Variants in KAZN observed in about 807,000 individuals in gnomAD.
KAZN encodes the protein kazrin, periplakin interacting protein, also known as kazrin.
In KAZN, 40 loss-of-function variants were observed where a neutral mutation model predicts 87.4. The ratio of observed to expected loss-of-function variants is 0.46; its 90% CI spans 0.36 to 0.60. KAZN has a LOEUF of 0.60. KAZN is among the 20% of genes least tolerant of loss of function. KAZN has a pLI of 0.00. For synonymous variants in KAZN, 466 were observed against 458.3 expected (o/e 1.02, Z -0.22); for missense variants, 898 against 1,073.9 (o/e 0.84, Z 2.29).
At chr1:14,421,898 C>A (rs905672364) in intron 2 of KAZN, among the ~76,000 whole-genome samples, 7 of 152,148 alleles carry the variant, frequency 4.6e-5, no homozygotes, top group African/African-American at 1.7e-4. Flanking sequence ...TCTGAATAAC[C>A]AACTACACTG....
intron 13 of KAZN, among the ~76,000 whole-genome samples, chr1:15,110,549 T>TTGTGTGTGTGTGTGTG (rs71000365): frequency 0.042 from 6,253 of 147,972 alleles, 165 homozygotes; most frequent in Non-Finnish European, 0.06. Context: ...GCATATGTGT[T>TTGTGTGTGTGTGTGTG]TGTGTGTGTG....
intron 1 of KAZN, among the ~76,000 whole-genome samples, chr1:14,890,598 C>A (rs1320769930): frequency 2.0e-5 from 3 of 152,014 alleles, no homozygotes. Context: ...GAATGACGGG[C>A]GTGAATCAGA....
At chr1:15,005,659 A>T (rs1020410573) in intron 2 of KAZN, among the ~76,000 whole-genome samples, 1 of 152,088 alleles carries the variant, frequency 6.6e-6, no homozygotes, top group Non-Finnish European at 1.5e-5. Context: ...ATAGTGGCAC[A>T]CGCTTATAAT....
intron 2 of KAZN, among the ~76,000 whole-genome samples, chr1:14,489,736 A>AAATAATAATAATAATAAT (rs57610968): frequency 3.4e-4 from 49 of 144,504 alleles, no homozygotes; most frequent in East Asian, 8.0e-4. Context: ...TCTGTCTTAA[A>AAATAATAATAATAATAAT]AATAATAATA....
chr1:14,980,284 T>C (rs1047609017), intron 2 of KAZN, among the ~76,000 whole-genome samples: 7 of 152,184 alleles, frequency 4.6e-5, no homozygotes, highest in Non-Finnish European at 7.3e-5. Flanking sequence ...GGGAGAGTTT[T>C]GCAAGAGAAG....
intron 1 of KAZN, among the ~76,000 whole-genome samples, chr1:14,714,326 T>C (rs1352994202): frequency 6.6e-6 from 1 of 152,154 alleles, no homozygotes; most frequent in African/African-American, 2.4e-5. Flanking sequence ...ATCCTTGTTC[T>C]CAATTAGCTG....
intron 1 of KAZN, among the ~76,000 whole-genome samples, chr1:14,028,109 TCC>T (rs1270261134): frequency 6.6e-6 from 1 of 152,102 alleles, no homozygotes; most frequent in Non-Finnish European, 1.5e-5. Context: ...GTAGCTTCTG[TCC>T]CCCCAAACTC....
intron 2 of KAZN, among the ~76,000 whole-genome samples, chr1:14,183,796 C>T (rs909641353): frequency 3.3e-5 from 5 of 152,084 alleles, no homozygotes; most frequent in African/African-American, 1.2e-4. Context: ...GGAAGGTCCC[C>T]CTCTTGAAGG....
intron 2 of KAZN, among the ~76,000 whole-genome samples, chr1:14,279,051 C>G (rs1010133247): frequency 2.0e-5 from 3 of 149,826 alleles, no homozygotes; most frequent in African/African-American, 7.4e-5. Flanking sequence ...TTTAAGTGAC[C>G]ATCTAATCTG....
chr1:14,232,140 G>A (rs1335559202), intron 2 of KAZN, among the ~76,000 whole-genome samples: 1 of 152,144 alleles, frequency 6.6e-6, no homozygotes, highest in Admixed American at 6.6e-5. Flanking sequence ...TGAACATCTA[G>A]TCCCTTTGCC....
intron 1 of KAZN, among the ~76,000 whole-genome samples, chr1:14,896,746 A>C (rs1442116148): frequency 6.6e-6 from 1 of 152,126 alleles, no homozygotes. Flanking sequence ...CTGCTGCCCT[A>C]CCCCATGACA....
intron 2 of KAZN, among the ~76,000 whole-genome samples, chr1:14,555,791 CCAT>C (rs1673826803): frequency 6.6e-6 from 1 of 152,160 alleles, no homozygotes; most frequent in Non-Finnish European, 1.5e-5. Context: ...GATTAAGTGC[CCAT>C]CAGTGTTTGC....
chr1:14,957,473 G>A (rs958408928), intron 1 of KAZN, among the ~76,000 whole-genome samples: 16 of 152,248 alleles, frequency 1.1e-4, no homozygotes, highest in Admixed American at 2.0e-4. Context: ...TGAAGGAGAC[G>A]AGGCAGGATA....
chr1:14,539,318 A>G (rs1557785795), intron 2 of KAZN, among the ~76,000 whole-genome samples: 1 of 152,226 alleles, frequency 6.6e-6, no homozygotes, highest in Non-Finnish European at 1.5e-5. Flanking sequence ...TTCAAATGAG[A>G]ATGACTGCAA....
intron 1 of KAZN, among the ~76,000 whole-genome samples, chr1:14,941,311 T>A (rs2101639645): frequency 6.6e-6 from 1 of 152,284 alleles, no homozygotes; most frequent in Non-Finnish European, 1.5e-5. Flanking sequence ...AGTTCACATA[T>A]TCCTTTTGGG....
intron 1 of KAZN, among the ~76,000 whole-genome samples, chr1:14,053,996 A>G (rs1376108059): frequency 6.6e-6 from 1 of 152,246 alleles, no homozygotes; most frequent in Non-Finnish European, 1.5e-5. Flanking sequence ...GTGAATCATC[A>G]TAAAGGTCTT....
intron 1 of KAZN, among the ~76,000 whole-genome samples, chr1:14,710,051 A>C (rs1572280451): frequency 1.3e-5 from 2 of 152,068 alleles, no homozygotes; most frequent in Non-Finnish European, 2.9e-5. Context: ...TGTATGCCAC[A>C]CCCCAGGCTT....
At chr1:14,851,291 G>A (rs1186613716) in intron 1 of KAZN, among the ~76,000 whole-genome samples, 2 of 152,188 alleles carry the variant, frequency 1.3e-5, no homozygotes, top group Non-Finnish European at 2.9e-5. Flanking sequence ...GACGCCGGCT[G>A]ATGGGATAAT....
At chr1:13,899,538 A>G (rs914714938) in intron 1 of KAZN, among the ~76,000 whole-genome samples, 2 of 152,106 alleles carry the variant, frequency 1.3e-5, no homozygotes, top group African/African-American at 4.8e-5. Flanking sequence ...CTGGGGTGAC[A>G]GTCACTCCTC....
Sources: gnomAD v4.1 joint callset for allele counts (sites outside exome capture counted in the v4.1 genomes callset) on GRCh38, gnomAD v4.1.1 for gene constraint, MANE v1.5 for transcripts, NCBI Gene and HGNC (gene_info 2026-07-23, HGNC 2026-07-21) for gene names.